ZMAT3: variants seen among roughly 807,000 people sequenced by gnomAD.
ZMAT3 encodes the protein zinc finger matrin-type protein 3.
ZMAT3 carries 17 observed loss-of-function variants against 32.3 expected under a neutral mutation model. That is an observed-to-expected ratio of 0.53 (90% CI 0.36 to 0.79). The LOEUF is 0.79. Ranked by LOEUF, ZMAT3 falls within the 30% of genes least tolerant of loss-of-function variation. ZMAT3 has a pLI of 0.00. For synonymous variants in ZMAT3, 120 were observed against 133.1 expected, an observed-to-expected ratio of 0.90 and a Z score of 0.68; for missense variants, 329 against 359.7, an observed-to-expected ratio of 0.91 and a Z score of 0.69.
At chr3:179,048,456 C>A (rs528066818) in intron 2 of ZMAT3, among the ~76,000 whole-genome samples, 38 of 152,338 alleles carry the variant, frequency 2.5e-4, no homozygotes, top group African/African-American at 9.1e-4. Context: ...AGATTAACAG[C>A]AGATGTCTCA....
chr3:179,034,924 G>A (rs976870625), intron 2 of ZMAT3, among the ~76,000 whole-genome samples: 6 of 152,166 alleles, frequency 3.9e-5, no homozygotes, highest in Non-Finnish European at 8.8e-5. Flanking sequence ...AGTAATCCAA[G>A]GTACCAACAT....
chr3:179,027,376 G>A, intron 5 of ZMAT3, 47 bp downstream of exon 5: 1 of 1,496,194 alleles, frequency 6.7e-7, no homozygotes, highest in East Asian at 2.3e-5. Flanking sequence ...AAACAAAGGA[G>A]ACTAGGTACA....
chr3:179,070,647 G>A (rs1185344425), intron 1 of ZMAT3, among the ~76,000 whole-genome samples: 1 of 152,172 alleles, frequency 6.6e-6, no homozygotes, highest in Admixed American at 6.5e-5. Flanking sequence ...CTGTTGCATT[G>A]GTTTAAAAGG....
intron 1 of ZMAT3, among the ~76,000 whole-genome samples, chr3:179,069,796 T>C (rs925672600): frequency 3.3e-5 from 5 of 152,116 alleles, no homozygotes; most frequent in Admixed American, 6.5e-5. Context: ...AATCACAAAA[T>C]TTAGAAAAAT....
chr3:179,057,299 C>A (rs533502532), intron 2 of ZMAT3, among the ~76,000 whole-genome samples: 1 of 152,328 alleles, frequency 6.6e-6, no homozygotes, highest in South Asian at 2.1e-4. Context: ...ACTCTGCTTT[C>A]CCAAATACCA....
intron 1 of ZMAT3, among the ~76,000 whole-genome samples, chr3:179,069,135 C>T (rs1490643366): frequency 6.6e-6 from 1 of 152,134 alleles, no homozygotes; most frequent in Non-Finnish European, 1.5e-5. Context: ...AAATTACCTA[C>T]ACAAAATAAG....
intron 2 of ZMAT3, among the ~76,000 whole-genome samples, chr3:179,040,089 A>C (rs2108554821): frequency 6.6e-6 from 1 of 152,338 alleles, no homozygotes. Context: ...ATGTGAAAAG[A>C]CCAAATCTAC....
chr3:179,049,293 T>C (rs981221980), intron 2 of ZMAT3, among the ~76,000 whole-genome samples: 2 of 152,178 alleles, frequency 1.3e-5, no homozygotes, highest in East Asian at 3.9e-4. Context: ...AAAGAAACAA[T>C]AAACTATACG....
chr3:179,069,671 T>C (rs921883773), intron 1 of ZMAT3, among the ~76,000 whole-genome samples: 1 of 152,182 alleles, frequency 6.6e-6, no homozygotes, highest in African/African-American at 2.4e-5. Context: ...GTAACAACTT[T>C]CAGACGAAAT....
chr3:179,052,758 T>C (rs1024244915), intron 2 of ZMAT3, among the ~76,000 whole-genome samples: 2 of 152,096 alleles, frequency 1.3e-5, no homozygotes, highest in Non-Finnish European at 2.9e-5. Flanking sequence ...AACGTGTGGA[T>C]AAAGAAAATG....
intron 2 of ZMAT3, among the ~76,000 whole-genome samples, chr3:179,048,314 C>T (rs762089256): frequency 6.6e-6 from 1 of 152,114 alleles, no homozygotes; most frequent in Non-Finnish European, 1.5e-5. Flanking sequence ...TCAAAGAACA[C>T]CTAGGAAATT....
chr3:179,052,899 A>C (rs9843363), intron 2 of ZMAT3, among the ~76,000 whole-genome samples: 1 of 151,882 alleles, frequency 6.6e-6, no homozygotes, highest in Non-Finnish European at 1.5e-5. Flanking sequence ...AGGCAGAGGC[A>C]GGCGGATCAC....
At position 179,023,711 on chromosome 3, in the gene ZMAT3, T is replaced by TATATATA. The variant is rs57477590; in HGVS notation, c.*1305_*1306insTATATAT. ...GAAAATATATCTATATATATATATA[T>TATATATA]TTTTTTTTTTTTTTTTTTTTTTTTT... On this transcript the variant is annotated 3_prime_UTR_variant, in exon 6 of 6. Coordinates refer to ENST00000311417, the MANE Select transcript of ZMAT3 (RefSeq NM_022470.4). 1.1e-3 allele frequency: 17 copies of TATATATA among 15,086 alleles called. 1 individual carries two copies. The East Asian group carries it at 0.02, about 18-fold the overall frequency. The allele number at this position is 15,086 out of a possible 1,614,324, so 0.9% of individuals were successfully genotyped here. A position where few individuals can be genotyped will look rare whatever the true frequency, so the allele number is the denominator to read the frequency against.
chr3:179,025,299 T>TA, intron 5 of ZMAT3, 71 bp from the exon 6 acceptor site: 1 of 1,195,234 alleles, frequency 8.4e-7, no homozygotes, highest in Non-Finnish European at 1.2e-6. Context: ...CAATTATCAC[T>TA]GTAATTTGTA....
rs959076363 is a variant in ZMAT3 at position 179,046,039 on chromosome 3, T to G, written c.271-15040A>C. On this transcript the variant is annotated intron_variant, in intron 2 of 5. Coordinates refer to ENST00000311417, the MANE Select transcript of ZMAT3 (RefSeq NM_022470.4). The surrounding 1 kb of genome is among the most constrained non-coding windows in gnomAD (Gnocchi z 4.3). ...CAGGCAACTATGCAGAAGAGCTCTA[T>G]GACAGGGAGCAGAGAAATCCGGCAT... Among the ~76,000 whole-genome samples the G allele has an allele frequency of 1.3e-5, 2 of 152,152 alleles. No homozygotes were observed. Among genetic ancestry groups the G allele is most frequent in the African/African-American group, 4.8e-5 (2 of 41,440 alleles).
intron 2 of ZMAT3, among the ~76,000 whole-genome samples, chr3:179,062,054 A>C (rs1464876547): frequency 6.6e-6 from 1 of 152,174 alleles, no homozygotes; most frequent in Non-Finnish European, 1.5e-5. Context: ...TTTCATTATA[A>C]ATCCTTTGGT....
chr3:179,051,367 GAATCA>G (rs1720547810), intron 2 of ZMAT3, among the ~76,000 whole-genome samples: 1 of 151,958 alleles, frequency 6.6e-6, no homozygotes, highest in Non-Finnish European at 1.5e-5. Flanking sequence ...ACCAAGCAGA[GAATCA>G]AATCAAGAAC....
At chr3:179,053,919 G>A (rs1720701507) in intron 2 of ZMAT3, among the ~76,000 whole-genome samples, 1 of 152,180 alleles carries the variant, frequency 6.6e-6, no homozygotes, top group Admixed American at 6.5e-5. Flanking sequence ...AAGGCCATTA[G>A]TACACAATTA....
chr3:179,035,937 T>C (rs1003763452), intron 2 of ZMAT3, among the ~76,000 whole-genome samples: 1 of 151,818 alleles, frequency 6.6e-6, no homozygotes, highest in Non-Finnish European at 1.5e-5. Flanking sequence ...ACCAAGAAAA[T>C]AGCATGAGCA....
Sources: gnomAD v4.1 joint callset for allele counts (sites outside exome capture counted in the v4.1 genomes callset) on GRCh38, gnomAD v4.1.1 for gene constraint, Gnocchi (gnomAD v3.1) non-coding constraint, MANE v1.5 for transcripts, NCBI Gene and HGNC (gene_info 2026-07-23, HGNC 2026-07-21) for gene names.